Variants in FLT4 observed in about 807,000 individuals in gnomAD.
The protein encoded by FLT4 is vascular endothelial growth factor receptor 3.
Under a neutral mutation model 163.2 loss-of-function variants are expected in FLT4, and 30 were observed. That is an observed-to-expected ratio of 0.18 (90% confidence interval 0.14 to 0.25). The LOEUF (loss-of-function observed/expected upper bound fraction) is 0.25. FLT4 is among the 10% of genes least tolerant of loss of function. The pLI is 1.00. For missense variants in FLT4, 1,510 were observed against 1,863.8 expected, an observed-to-expected ratio of 0.81 and a Z score of 3.50; for synonymous variants, 884 against 789.5, an observed-to-expected ratio of 1.12 and a Z score of -2.01.
chr5:180,621,511 G>A (rs777724867), intron 13 of FLT4, 31 bp downstream of exon 13: 3 of 1,607,796 alleles, frequency 1.9e-6, no homozygotes, highest in South Asian at 2.2e-5. Context: ...AGAAGAGAGC[G>A]CGTCCCCGCC....
chr5:180,644,665 C>A lies in FLT4; in HGVS notation c.58+4823G>T, dbSNP rs371767784. 2.0e-5 allele frequency among the ~76,000 whole-genome samples: 3 copies of A among 152,370 alleles called. No individual in the cohort carries two copies. In the East Asian group the frequency reaches 5.8e-4, roughly 29 times the overall value. On this transcript the variant is annotated intron_variant, in intron 1 of 29. Transcript: ENST00000261937. Reference sequence around the variant, plus strand: ...AAGGTCTGCGTGACGAGGTTAAAACCTGTACGTGCCCTGCTGTGAAGCAAT... The same window carrying A: ...AAGGTCTGCGTGACGAGGTTAAAACATGTACGTGCCCTGCTGTGAAGCAAT...
chr5:180,622,177 C>T (rs909314299), intron 12 of FLT4, among the ~76,000 whole-genome samples: 1 of 152,150 alleles, frequency 6.6e-6, no homozygotes, highest in Non-Finnish European at 1.5e-5. Context: ...TTCCCAGTGC[C>T]GTGCGCCCAC....
At chr5:180,612,304 G>A (rs1762273028) in intron 26 of FLT4, 2 of 602,048 alleles carry the variant, frequency 3.3e-6, no homozygotes, top group Admixed American at 5.6e-5. Context: ...AGCAGGCAGT[G>A]GAGCTGTGCA....
rs993204440 is a variant in FLT4, at chr5:180,616,782, G to A, written c.3096+118C>T. On this transcript the variant is annotated intron_variant, in intron 22 of 29. Transcript: ENST00000261937. ...GGCAGAGTTTCCTCCTCTGCAAAGT[G>A]GGAGAGACACTGATGGACCACAGAG... 20 of 912,052 alleles carry A rather than the reference G, an allele frequency of 2.2e-5. No homozygotes were observed. The African/African-American group carries it at 3.3e-4, about 15-fold the overall frequency. The allele number at this position is 912,052 out of a possible 1,614,324, so 56.5% of individuals were successfully genotyped here.
Position 180,629,752 on chromosome 5 carries a change from C to T in FLT4, c.760G>A (p.Val254Met), listed in dbSNP as rs368909190. The change falls in exon 6 of 30, where the codon GTG becomes ATG. Residue 254 changes from valine to methionine, a missense_variant. Around this residue, in one of 5 missense-constraint regions of FLT4, gnomAD observed 163 missense variants for 281.1 expected, o/e 0.58. Transcript: ENST00000261937. ...ACACCTGAGTTAAACTCAGCCCACACGGTGCAGTTCAGGACCAGCTTCTCC... is the reference window on the plus strand; with the variant it reads ...ACACCTGAGTTAAACTCAGCCCACATGGTGCAGTTCAGGACCAGCTTCTCC... ...VGEKLVLNCT[V>M]WAEFNSGVTF... 1.2e-5 allele frequency: 19 copies of T among 1,612,114 alleles called. No individual in the cohort carries two copies. The highest frequency in any genetic ancestry group is 8.0e-5 in the African/African-American group (6 of 74,930).
At position 180,619,113 on chromosome 5, in the gene FLT4, C is replaced by T. The variant is rs1345338458; in HGVS notation, c.2762-4G>A. The T allele has an allele frequency of 2.0e-6, 3 of 1,515,070 alleles. No homozygotes were observed. Among genetic ancestry groups the T allele is most frequent in the Non-Finnish European group, 1.8e-6 (2 of 1,132,432 alleles). The allele number at this position is 1,515,070 out of a possible 1,614,324, so 93.9% of individuals were successfully genotyped here. ...TCCACGATCACCATGAGGGGGCCTG[C>T]GGCGGGACCGGGCGGCGGCCGTGCG... is the stretch of plus-strand genomic sequence containing the variant. On this transcript the variant is annotated splice_polypyrimidine_tract_variant and splice_region_variant and intron_variant, in intron 19 of 29. Coordinates refer to ENST00000261937, the MANE Select transcript of FLT4 (RefSeq NM_182925.5).
Position 180,620,711 on chromosome 5 carries a change from G to A in FLT4, c.2304C>T (p.Ser768=), listed in dbSNP as rs775611173. 8 of 1,613,152 alleles carry A rather than the reference G, an allele frequency of 5.0e-6. No homozygotes were observed. Among genetic ancestry groups the A allele is most frequent in the East Asian group, 2.2e-5 (1 of 44,872 alleles). The change falls in exon 16 of 30, where the codon TCC becomes TCT. Residue 768 remains serine, a synonymous_variant. Transcript: ENST00000261937. This position sits in a 1 kb window ranked among gnomAD's most constrained non-coding sequence, Gnocchi z 4.4. The part of the protein sequence containing the change: ...NSSASVAVEG[S]EDKGSMEIVI... ...CGATCTCCATGCTGCCCTTATCCTCGGAGCCTGCGTGGGCAGAAAGGGGCC... is the reference window on the plus strand; with the variant it reads ...CGATCTCCATGCTGCCCTTATCCTCAGAGCCTGCGTGGGCAGAAAGGGGCC...
intron 29 of FLT4, among the ~76,000 whole-genome samples, chr5:180,603,706 C>T (rs955290235): frequency 3.9e-5 from 6 of 152,126 alleles, no homozygotes; most frequent in Non-Finnish European, 7.4e-5. Flanking sequence ...AGATCGAGAC[C>T]ATCCTGGCTA....
chr5:180,649,696 C>A (rs1319639433), upstream of FLT4: 20 of 226,712 alleles, frequency 8.8e-5, no homozygotes, highest in Middle Eastern at 1.9e-3. Flanking sequence ...CCCCCCTCCC[C>A]CCGTCCCTCC....
Position 180,638,851 on chromosome 5 carries a change from G to A in FLT4, c.59-7073C>T, listed in dbSNP as rs1032979050. Among the ~76,000 whole-genome samples the A allele has an allele frequency of 7.9e-5, 12 of 152,194 alleles. No homozygotes were observed. The East Asian group carries it at 9.6e-4, about 12-fold the overall frequency. On this transcript the variant is annotated intron_variant, in intron 1 of 29. Transcript: ENST00000261937. ...TTTATTTATGTGTTTGTTTGTTTAA[G>A]TTATATCTGTCCATGTCCTCCAATA...
chr5:180,602,912 C>G lies in FLT4; in HGVS notation c.*280G>C. 1 of 589,684 alleles carries G rather than the reference C, an allele frequency of 1.7e-6. No individual in the cohort carries two copies. The highest frequency in any genetic ancestry group is 3.0e-6 in the Non-Finnish European group (1 of 330,728). 36.5% of individuals were successfully genotyped at this position (589,684 alleles called of 1,614,324 possible). ...GACATTCCCATGGAAGTGCTGGCCC[C>G]GGGACCAGCACCTGCGGATGCTGAA... On this transcript the variant is annotated 3_prime_UTR_variant, in exon 30 of 30. Coordinates refer to ENST00000261937, the MANE Select transcript of FLT4 (RefSeq NM_182925.5).
At chr5:180,611,780 G>C in intron 26 of FLT4, 2 of 501,794 alleles carry the variant, frequency 4.0e-6, no homozygotes. Context: ...AGACAGATAA[G>C]GGGTCAAGGT....
At chr5:180,603,784 G>A (rs1268422603) in intron 29 of FLT4, among the ~76,000 whole-genome samples, 3 of 152,048 alleles carry the variant, frequency 2.0e-5, no homozygotes, top group Non-Finnish European at 4.4e-5. Flanking sequence ...GGCGCCTGTA[G>A]TCCCAGCTAC....
At position 180,643,418 on chromosome 5, in the gene FLT4, G is replaced by A. The variant is rs369082066; in HGVS notation, c.58+6070C>T. Among the ~76,000 whole-genome samples the A allele has an allele frequency of 1.1e-3, 163 of 152,240 alleles. 1 individual carries two copies. The South Asian group carries it at 0.016, about 15-fold the overall frequency. On this transcript the variant is annotated intron_variant, in intron 1 of 29. Transcript: ENST00000261937. ...GCTTTCTGGCCGCAGAACCCCTCCCGGGCATTGCAGGCGTGCTGTCCCTCC... is the reference window on the plus strand; with the variant it reads ...GCTTTCTGGCCGCAGAACCCCTCCCAGGCATTGCAGGCGTGCTGTCCCTCC...
intron 28 of FLT4, 181 bp downstream of exon 28, chr5:180,609,724 C>A (rs916532140): frequency 8.6e-6 from 6 of 699,144 alleles, no homozygotes; most frequent in Non-Finnish European, 1.5e-5. Context: ...GGACAGAAAG[C>A]AGCTGTGAGT....
chr5:180,630,790 G>C lies in FLT4; in HGVS notation c.165C>G (p.His55Gln), dbSNP rs781067773. The change falls in exon 3 of 30, where the codon CAC becomes CAG. Residue 55 changes from histidine to glutamine, a missense_variant. Physicochemically the swap from His to Gln is conservative, Grantham distance 24. Coordinates refer to ENST00000261937, the MANE Select transcript of FLT4 (RefSeq NM_182925.5). The surrounding 1 kb of genome is among the most constrained non-coding windows in gnomAD (Gnocchi z 6.3). ...CTCCTGGCCAAGCCCACTCGAGGGG[G>C]TGCTGTCCCCTGGCAGAGGACAGGA... ...DSLSISCRGQ[H>Q]PLEWAWPGAQ... The C allele has an allele frequency of 1.2e-6, 2 of 1,603,416 alleles. No individual in the cohort carries two copies. The highest frequency in any genetic ancestry group is 1.7e-6 in the Non-Finnish European group (2 of 1,178,700).
intron 12 of FLT4, 114 bp from the exon 13 acceptor site, chr5:180,622,018 C>G: frequency 1.6e-6 from 2 of 1,268,270 alleles, no homozygotes; most frequent in South Asian, 2.7e-5. Flanking sequence ...TGGAGGGGCC[C>G]CAGCTGGACT....
rs562540686 is a variant in FLT4, at chr5:180,629,017, T to G, written c.986-18A>C. 6.3e-7 allele frequency: 1 copy of G among 1,595,968 alleles called. No individual in the cohort carries two copies. The highest frequency in any genetic ancestry group is 1.7e-5 in the Admixed American group (1 of 59,980). The stretch of plus-strand genomic sequence containing the variant: ...GGGATTTTCTGCCGGACAGGAGAAG[T>G]CACTGTAAATCCAGGACTGACCCGT... On this transcript the variant is annotated intron_variant, in intron 7 of 29. Coordinates refer to ENST00000261937, the MANE Select transcript of FLT4 (RefSeq NM_182925.5).
intron 7 of FLT4, 68 bp from the exon 8 acceptor site, chr5:180,629,067 C>T (rs568330698): frequency 6.7e-7 from 1 of 1,490,326 alleles, no homozygotes; most frequent in Non-Finnish European, 9.4e-7. Flanking sequence ...GGACTCCCCC[C>T]ACGGCCCCTG....
Sources: gnomAD v4.1 joint callset for allele counts (sites outside exome capture counted in the v4.1 genomes callset) on GRCh38, gnomAD v4.1.1 for gene constraint, gnomAD v4.1.1 regional missense constraint, Gnocchi (gnomAD v3.1) non-coding constraint, MANE v1.5 for transcripts, NCBI Gene and HGNC (gene_info 2026-07-23, HGNC 2026-07-21) for gene names.